The following SNTB1 variants were observed in gnomAD, a reference collection of about 807,000 sequenced individuals.
SNTB1 encodes beta-1-syntrophin.
Under a neutral mutation model 48.9 loss-of-function variants are expected in SNTB1, and 36 were observed. The observed-to-expected ratio is 0.74, with a 90% CI of 0.56 to 0.97. The LOEUF (loss-of-function observed/expected upper bound fraction) is 0.97, where lower values mean the gene tolerates loss of function less well. SNTB1 is among the 50% of genes least tolerant of loss of function. The pLI, the probability that SNTB1 is intolerant of heterozygous loss-of-function variation, is 0.00. For missense variants in SNTB1, 786 were observed against 703.4 expected, an observed-to-expected ratio of 1.12 and a Z score of -1.33; for synonymous variants, 299 against 294.6, an observed-to-expected ratio of 1.01 and a Z score of -0.15.
At chr8:120,666,222 T>C (rs1392173511) in intron 2 of SNTB1, among the ~76,000 whole-genome samples, 1 of 152,234 alleles carries the variant, frequency 6.6e-6, no homozygotes, top group Non-Finnish European at 1.5e-5. Flanking sequence ...TAATTTTCTC[T>C]CTGCCTGAAG....
chr8:120,559,342 G>T (rs972346052), intron 4 of SNTB1, among the ~76,000 whole-genome samples: 18 of 152,298 alleles, frequency 1.2e-4, no homozygotes, highest in African/African-American at 4.1e-4. Context: ...TTGAAAAAGT[G>T]AAAGTTGTTA....
chr8:120,701,017 G>A (rs1818301727), intron 1 of SNTB1, among the ~76,000 whole-genome samples: 1 of 152,198 alleles, frequency 6.6e-6, no homozygotes, highest in African/African-American at 2.4e-5. Flanking sequence ...AAGGGGATTA[G>A]CTGGAGGCAA....
intron 4 of SNTB1, among the ~76,000 whole-genome samples, chr8:120,566,307 C>A (rs796418889): frequency 1.6e-5 from 2 of 122,646 alleles, no homozygotes; most frequent in African/African-American, 6.3e-5. Flanking sequence ...CTAGCCTGGG[C>A]GACAAGAGCA....
At chr8:120,620,086 G>A in intron 3 of SNTB1, among the ~76,000 whole-genome samples, 1 of 152,208 alleles carries the variant, frequency 6.6e-6, no homozygotes, top group Non-Finnish European at 1.5e-5. Context: ...AAGTGTGTGT[G>A]TGTGCACACA....
chr8:120,628,155 T>C (rs1816914492), intron 3 of SNTB1, among the ~76,000 whole-genome samples: 1 of 152,194 alleles, frequency 6.6e-6, no homozygotes, highest in East Asian at 1.9e-4. Context: ...GTATTTAATC[T>C]ACAAGAAATA....
intron 1 of SNTB1, among the ~76,000 whole-genome samples, chr8:120,791,154 C>G (rs1047214304): frequency 6.6e-6 from 1 of 151,712 alleles, no homozygotes; most frequent in Non-Finnish European, 1.5e-5. Context: ...TAAATAAAGT[C>G]AAATACAACC....
intron 3 of SNTB1, among the ~76,000 whole-genome samples, chr8:120,630,389 C>G (rs781639114): frequency 1.3e-5 from 2 of 152,220 alleles, no homozygotes; most frequent in Non-Finnish European, 2.9e-5. Context: ...TCTCCTTGCC[C>G]TTTCTGGTCA....
rs574978297 is a variant in SNTB1 at position 120,571,479 on chromosome 8, GTTTTTTTTTTTTTTTTTTTT to G, written c.1136+3587_1136+3606del. On this transcript the variant is annotated intron_variant, in intron 4 of 6. Coordinates refer to ENST00000517992, the MANE Select transcript of SNTB1 (RefSeq NM_021021.4). ...GATGTTTACATTCTGACTATTGAGG[GTTTTTTTTTTTTTTTTTTTT>G]TTTTTTTTTTTTTTTTGAGACAGAG... 1,064 of 167,074 alleles carry G rather than the reference GTTTTTTTTTTTTTTTTTTTT, an allele frequency of 6.4e-3. 20 individuals are homozygous for G. Among genetic ancestry groups the G allele is most frequent in the African/African-American group, 0.042 (790 of 18,986 alleles). 10.3% of individuals were successfully genotyped at this position (167,074 alleles called of 1,614,324 possible). A position where few individuals can be genotyped will look rare whatever the true frequency, so the allele number is the denominator to read the frequency against.
intron 1 of SNTB1, among the ~76,000 whole-genome samples, chr8:120,701,220 T>C (rs1465852170): frequency 6.6e-6 from 1 of 152,176 alleles, no homozygotes; most frequent in Non-Finnish European, 1.5e-5. Context: ...AGAGGTACTA[T>C]GTTTCTCAGA....
chr8:120,737,045 G>A (rs934415963), intron 1 of SNTB1, among the ~76,000 whole-genome samples: 2 of 152,152 alleles, frequency 1.3e-5, no homozygotes, highest in Admixed American at 6.5e-5. Context: ...TAGCATGATG[G>A]AGCGGCAGTC....
intron 2 of SNTB1, among the ~76,000 whole-genome samples, chr8:120,650,760 A>G (rs1817399887): frequency 6.6e-6 from 1 of 152,194 alleles, no homozygotes; most frequent in Admixed American, 6.5e-5. Context: ...CATGTTCCAG[A>G]AGAGAAAGTG....
chr8:120,737,621 C>A (rs1467850664), intron 1 of SNTB1, among the ~76,000 whole-genome samples: 1 of 152,154 alleles, frequency 6.6e-6, no homozygotes, highest in East Asian at 1.9e-4. Context: ...TAGGAGAACA[C>A]AGCAGCTGTT....
intron 1 of SNTB1, among the ~76,000 whole-genome samples, chr8:120,770,236 AT>A (rs2130095723): frequency 6.6e-6 from 1 of 152,280 alleles, no homozygotes; most frequent in South Asian, 2.1e-4. Context: ...CTCCCAACAA[AT>A]ATTGATGCTG....
chr8:120,784,082 C>A (rs1436921370), intron 1 of SNTB1, among the ~76,000 whole-genome samples: 1 of 152,034 alleles, frequency 6.6e-6, no homozygotes, highest in Admixed American at 6.6e-5. Context: ...CAACCTCCAC[C>A]TCCTGGGTTC....
intron 2 of SNTB1, among the ~76,000 whole-genome samples, chr8:120,652,389 A>C (rs1032641915): frequency 1.5e-4 from 23 of 152,198 alleles, no homozygotes; most frequent in African/African-American, 5.5e-4. Context: ...ATAGAGAGTA[A>C]AGAAATTCTA....
chr8:120,542,040 C>A, intron 5 of SNTB1, 40 bp from the exon 6 acceptor site: 1 of 1,523,596 alleles, frequency 6.6e-7, no homozygotes, highest in Non-Finnish European at 8.9e-7. Flanking sequence ...AAGTATGAAC[C>A]ATGGCAATCA....
intron 2 of SNTB1, among the ~76,000 whole-genome samples, chr8:120,648,555 TC>T (rs2129703666): frequency 6.6e-6 from 1 of 152,260 alleles, no homozygotes; most frequent in South Asian, 2.1e-4. Flanking sequence ...CTGATGGGCT[TC>T]CCTTTGAGGG....
chr8:120,798,634 G>A (rs144154691), intron 1 of SNTB1, among the ~76,000 whole-genome samples: 6 of 152,034 alleles, frequency 3.9e-5, no homozygotes, highest in Non-Finnish European at 2.9e-5. Context: ...ATCAGCAATC[G>A]GCTGGATTTC....
intron 3 of SNTB1, among the ~76,000 whole-genome samples, chr8:120,632,031 C>T (rs1261395237): frequency 6.6e-6 from 1 of 152,194 alleles, no homozygotes; most frequent in East Asian, 1.9e-4. Flanking sequence ...TGAATCATCT[C>T]AATTCAAACA....
Sources: allele counts gnomAD v4.1 joint callset (sites outside exome capture counted in the v4.1 genomes callset), GRCh38; gene constraint gnomAD v4.1.1; transcripts MANE v1.5; gene names NCBI Gene and HGNC (gene_info 2026-07-23, HGNC 2026-07-21).